Variants in SLC3A1 observed in about 807,000 individuals in gnomAD.
SLC3A1 encodes the protein amino acid transporter heavy chain SLC3A1.
SLC3A1 carries 78 observed loss-of-function variants against 60.3 expected under a neutral mutation model. The observed-to-expected ratio is 1.29, with a 90% CI of 1.08 to 1.56. The LOEUF (loss-of-function observed/expected upper bound fraction) is 1.56, where lower values mean the gene tolerates loss of function less well. Among genes scored for constraint, SLC3A1 ranks in the 40% most tolerant of loss-of-function variants. The pLI is 0.00. For missense variants in SLC3A1, 1,172 were observed against 858.9 expected (o/e 1.36, Z -4.56); for synonymous variants, 392 against 307.9 (o/e 1.27, Z -2.86).
At chr2:44,288,332 C>T (rs1401151596) in intron 4 of SLC3A1, among the ~76,000 whole-genome samples, 2 of 152,110 alleles carry the variant, frequency 1.3e-5, no homozygotes, top group Non-Finnish European at 2.9e-5. Flanking sequence ...GGCCTAATTT[C>T]AGAACACTTT....
intron 4 of SLC3A1, among the ~76,000 whole-genome samples, chr2:44,286,502 G>T (rs1211650996): frequency 2.8e-5 from 3 of 108,654 alleles, no homozygotes; most frequent in Non-Finnish European, 4.4e-5. Context: ...GCTGTACGGT[G>T]CCTGTGACGG....
Position 44,281,579 on chromosome 2 carries a change from G to GGCA in SLC3A1, c.765+40_765+42dup, listed in dbSNP as rs1572790795. ...CTGTCTGACTTACAAAGGGGTAAAA[G>GGCA]GCAGATATGTAGTGATTGAACTGAT... On this transcript the variant is annotated intron_variant, in intron 3 of 9. Transcript: ENST00000260649. 3 of 1,599,046 alleles carry GGCA rather than the reference G, an allele frequency of 1.9e-6. No individual in the cohort carries two copies. The East Asian group carries it at 6.7e-5, about 36-fold the overall frequency.
At chr2:44,292,891 T>C (rs1671769983) in intron 4 of SLC3A1, among the ~76,000 whole-genome samples, 1 of 152,142 alleles carries the variant, frequency 6.6e-6, no homozygotes, top group South Asian at 2.1e-4. Flanking sequence ...TTTTTATTTT[T>C]ATTTTTTTTC....
At chr2:44,304,074 G>C (rs1032306118) in intron 6 of SLC3A1, 69 bp from the exon 7 acceptor site, 2 of 1,158,490 alleles carry the variant, frequency 1.7e-6, no homozygotes, top group Non-Finnish European at 2.6e-6. Flanking sequence ...TGCAAGATAA[G>C]CAGCTGTGGA....
rs763367098 is a variant in SLC3A1 at position 44,304,143 on chromosome 2, G to A, written c.1137G>A (p.Arg379=). The A allele has an allele frequency of 6.2e-7, 1 of 1,613,706 alleles. No homozygotes were observed. The highest frequency in any genetic ancestry group is 8.5e-7 in the Non-Finnish European group (1 of 1,179,622). Residue 379 remains arginine (R), a splice_region_variant and synonymous_variant, in exon 7 of 10, where the codon AGG becomes AGA. Transcript: ENST00000260649. ...DQYSTEPGRY[R]FMGTEAYAES... ...CACTGAACCTTGTCAACTCTTATAG[G>A]TTCATGGGGACTGAAGCCTATGCAG... is the stretch of plus-strand genomic sequence containing the variant.
chr2:44,281,619 T>C lies in SLC3A1; in HGVS notation c.765+78T>C, dbSNP rs1671502389. 47 of 1,372,302 alleles carry C rather than the reference T, an allele frequency of 3.4e-5. 1 individual carries two copies. The South Asian group carries it at 4.8e-4, about 14-fold the overall frequency. 85.0% of individuals were successfully genotyped at this position (1,372,302 alleles called of 1,614,324 possible). A position where few individuals can be genotyped will look rare whatever the true frequency, so the allele number is the denominator to read the frequency against. Reference sequence around the variant, plus strand: ...ATTGAACTGATTTAGTAAAACCCTTTTGAGGGAAAAATGAATGAATATAGT... The same window carrying C: ...ATTGAACTGATTTAGTAAAACCCTTCTGAGGGAAAAATGAATGAATATAGT... On this transcript the variant is annotated intron_variant, in intron 3 of 9. Transcript: ENST00000260649.
intron 4 of SLC3A1, among the ~76,000 whole-genome samples, chr2:44,291,557 T>C (rs994528999): frequency 3.3e-5 from 5 of 152,094 alleles, no homozygotes; most frequent in African/African-American, 1.2e-4. Context: ...TAGAAGTAAA[T>C]AAGAAATGCT....
In SLC3A1 at chr2:44,302,450, A is replaced by C. The variant is rs186772218; in HGVS notation, c.1136+1323A>C. ...GAAATTTCATCTCCTTAAAGTAGGT[A>C]CTCCGATTACTCTGTCTCCATTTTA... On this transcript the variant is annotated intron_variant, in intron 6 of 9. Transcript: ENST00000260649. Among the ~76,000 whole-genome samples the C allele has an allele frequency of 3.5e-3, 534 of 152,310 alleles. 2 individuals are homozygous for C. The highest frequency in any genetic ancestry group is 0.01 in the Middle Eastern group (3 of 294).
intron 6 of SLC3A1, among the ~76,000 whole-genome samples, chr2:44,303,367 C>T (rs1672066682): frequency 6.7e-6 from 1 of 150,252 alleles, no homozygotes; most frequent in African/African-American, 2.4e-5. Context: ...CCTTGGCCTT[C>T]CGAGTAGCTG....
At chr2:44,318,159 C>T (rs72802996) in intron 9 of SLC3A1, 33,074 of 434,118 alleles carry the variant, frequency 0.076, 1,579 homozygotes, top group Non-Finnish European at 0.1. Context: ...GGCGTGATCT[C>T]GGCACACTGC....
intron 4 of SLC3A1, among the ~76,000 whole-genome samples, chr2:44,297,255 C>A (rs1444299578): frequency 6.6e-6 from 1 of 152,204 alleles, no homozygotes; most frequent in African/African-American, 2.4e-5. Flanking sequence ...CTTTGCAGAG[C>A]TTGTGAGCAG....
Position 44,304,702 on chromosome 2 carries a change from CTG to C in SLC3A1, c.1332+367_1332+368del, listed in dbSNP as rs374687730. ...CACAGCAATTCAGGGCAACATAAAA[CTG>C]TGACAAAACACCAATTTGTGGGGCA... On this transcript the variant is annotated intron_variant, in intron 7 of 9. Transcript: ENST00000260649. 1.2e-3 allele frequency among the ~76,000 whole-genome samples: 180 copies of C among 151,974 alleles called. 1 individual carries two copies. The South Asian group carries it at 0.022, about 18-fold the overall frequency.
intron 4 of SLC3A1, among the ~76,000 whole-genome samples, chr2:44,299,468 C>T (rs1558461736): frequency 6.6e-6 from 1 of 152,144 alleles, no homozygotes; most frequent in Non-Finnish European, 1.5e-5. Flanking sequence ...TGTGTTCCTT[C>T]CATATTACTC....
chr2:44,314,082 A>G (rs1327846516), intron 9 of SLC3A1, 131 bp downstream of exon 9: 2 of 1,548,886 alleles, frequency 1.3e-6, no homozygotes, highest in Non-Finnish European at 1.7e-6. Flanking sequence ...ACTTCCTTGC[A>G]GTTTTCCATT....
intron 3 of SLC3A1, chr2:44,285,515 C>A: frequency 2.7e-6 from 1 of 371,230 alleles, no homozygotes; most frequent in Non-Finnish European, 5.4e-6. Context: ...TCAACTATTG[C>A]TGAGTACCAA....
At position 44,310,006 on chromosome 2, in the gene SLC3A1, A is replaced by C. The variant is rs187545434; in HGVS notation, c.1333-2580A>C. 2.0e-3 allele frequency among the ~76,000 whole-genome samples: 299 copies of C among 152,160 alleles called. 1 individual carries two copies. The highest frequency in any genetic ancestry group is 6.7e-3 in the African/African-American group (280 of 41,510). On this transcript the variant is annotated intron_variant, in intron 7 of 9. Coordinates refer to ENST00000260649, the MANE Select transcript of SLC3A1 (RefSeq NM_000341.4). The stretch of plus-strand genomic sequence containing the variant: ...TCCTGGGCTCAAGCAATCCTCCTGC[A>C]TTAGCTCCCACAAAGTAGCTGGGAC...
chr2:44,293,557 G>A (rs1041848574), intron 4 of SLC3A1, among the ~76,000 whole-genome samples: 4 of 151,980 alleles, frequency 2.6e-5, no homozygotes, highest in African/African-American at 9.7e-5. Flanking sequence ...GGAGCTCAGG[G>A]AAAAGTCTAG....
chr2:44,318,126 C>T lies in SLC3A1; in HGVS notation c.1618-2073C>T, dbSNP rs568044192. On this transcript the variant is annotated intron_variant, in intron 9 of 9. Transcript: ENST00000260649. Reference sequence around the variant, plus strand: ...TTTTTTTTTTGAGACAGTCTTGCTCCGTCACCCATGCTCGAGTGCAGTGGC... The same window carrying T: ...TTTTTTTTTTGAGACAGTCTTGCTCTGTCACCCATGCTCGAGTGCAGTGGC... 88 of 443,322 alleles carry T rather than the reference C, an allele frequency of 2.0e-4. 1 individual carries two copies. The highest frequency in any genetic ancestry group is 9.2e-4 in the South Asian group (58 of 63,356). The allele number at this position is 443,322 out of a possible 1,614,324, so 27.5% of individuals were successfully genotyped here.
At chr2:44,306,908 C>T in intron 7 of SLC3A1, among the ~76,000 whole-genome samples, 1 of 151,686 alleles carries the variant, frequency 6.6e-6, no homozygotes, top group East Asian at 1.9e-4. Flanking sequence ...GGTATATTCA[C>T]AGAATTATGC....
Sources: allele counts gnomAD v4.1 joint callset (sites outside exome capture counted in the v4.1 genomes callset), GRCh38; gene constraint gnomAD v4.1.1; transcripts MANE v1.5; gene names NCBI Gene and HGNC (gene_info 2026-07-23, HGNC 2026-07-21).